ICE2: variants seen among roughly 807,000 people sequenced by gnomAD.
The protein encoded by ICE2 is little elongation complex subunit 2.
Under a neutral mutation model 105.4 loss-of-function variants are expected in ICE2, and 87 were observed. That is an observed-to-expected ratio of 0.83 (90% confidence interval 0.69 to 0.99). The LOEUF is 0.99. Among genes scored for constraint, ICE2 ranks in the 50% least tolerant of loss-of-function variants. The probability of loss-of-function intolerance (pLI) is 0.00; values close to 1 mark genes in which losing one functional copy is unlikely to be tolerated. For synonymous variants in ICE2, 399 were observed against 392.0 expected (o/e 1.02, Z -0.21); for missense variants, 1,323 against 1,146.7 (o/e 1.15, Z -2.22).
chr15:60,431,960 GA>G lies in ICE2; in HGVS notation c.2534del (p.Leu845ProfsTer5). The G allele has an allele frequency of 7.1e-7, 1 of 1,412,000 alleles. No individual in the cohort carries two copies. The highest frequency in any genetic ancestry group is 9.9e-7 in the Non-Finnish European group (1 of 1,012,670). 87.5% of individuals were successfully genotyped at this position (1,412,000 alleles called of 1,614,324 possible). ...ALKISNLFNILQHILKKLSSL... is the reference protein window; with the variant it reads ...ALKISNLFNIXQHILKKLSSL... Reference sequence around the variant, plus strand: ...TACTTAGTTTCTTTAGAATGTGTTGGAGGATGTTAAATAAATTGGAAATCCT... The same window carrying G: ...TACTTAGTTTCTTTAGAATGTGTTGGGGATGTTAAATAAATTGGAAATCCT... On this transcript the variant is annotated frameshift_variant, in exon 14 of 16. Coordinates refer to ENST00000261520, the MANE Select transcript of ICE2 (RefSeq NM_024611.6). LOFTEE classifies it high-confidence loss of function.
At chr15:60,429,947 A>T (rs910350473) in intron 14 of ICE2, among the ~76,000 whole-genome samples, 3 of 152,210 alleles carry the variant, frequency 2.0e-5, no homozygotes, top group African/African-American at 7.2e-5. Flanking sequence ...AGATACTCTA[A>T]GGAGGAGTAT....
intron 12 of ICE2, chr15:60,440,431 T>A (rs1450622060): frequency 2.0e-5 from 3 of 152,286 alleles, no homozygotes; most frequent in Admixed American, 6.5e-5. Flanking sequence ...CAAGTTTTTA[T>A]GGGGAAAAGA....
intron 14 of ICE2, 46 bp downstream of exon 14, chr15:60,431,888 T>G: frequency 9.4e-7 from 1 of 1,062,874 alleles, no homozygotes; most frequent in South Asian, 1.4e-5. Flanking sequence ...AATTTTCATC[T>G]AAGAAAATCA....
intron 12 of ICE2, chr15:60,441,974 G>A (rs2063729331): frequency 6.6e-6 from 1 of 152,388 alleles, no homozygotes; most frequent in Admixed American, 6.5e-5. Context: ...AAACAAATGT[G>A]TATTTTTGAT....
intron 11 of ICE2, among the ~76,000 whole-genome samples, chr15:60,444,882 A>C (rs778858281): frequency 3.2e-4 from 49 of 152,060 alleles, no homozygotes; most frequent in Non-Finnish European, 6.5e-4. Context: ...ATGGGGTTTC[A>C]CCACGTGGGC....
At chr15:60,435,326 G>A (rs989632686) in intron 13 of ICE2, among the ~76,000 whole-genome samples, 2 of 150,864 alleles carry the variant, frequency 1.3e-5, no homozygotes, top group African/African-American at 4.9e-5. Flanking sequence ...AGGGCCAGGC[G>A]CAGTGGCTCA....
At chr15:60,432,113 A>C (rs370631333) in intron 13 of ICE2, 129 bp from the exon 14 acceptor site, 1 of 272,198 alleles carries the variant, frequency 3.7e-6, no homozygotes, top group Non-Finnish European at 6.2e-6. Context: ...ATGTAATACA[A>C]AAAATCTGAA....
rs1305222788 is a variant in ICE2, at chr15:60,453,645, T to G, written c.1083A>C (p.Ala361=). The G allele has an allele frequency of 6.2e-7, 1 of 1,613,674 alleles. No homozygotes were observed. Among genetic ancestry groups the G allele is most frequent in the Non-Finnish European group, 8.5e-7 (1 of 1,179,650 alleles). ...MSKNTSVPVS[A]VFMDKPEEFI... ...ACTCTTCAGGTTTGTCCATAAAGAC[T>G]GCAGAGACTGGAACAGATGTGTTTT... The change falls in exon 9 of 16, where the codon GCA becomes GCC. Residue 361 remains alanine (A), a synonymous_variant. Coordinates refer to ENST00000261520, the MANE Select transcript of ICE2 (RefSeq NM_024611.6).
chr15:60,422,128 C>T lies in ICE2; in HGVS notation c.*1506G>A, dbSNP rs1246825868. On this transcript the variant is annotated 3_prime_UTR_variant, in exon 16 of 16. Coordinates refer to ENST00000261520, the MANE Select transcript of ICE2 (RefSeq NM_024611.6). ...GTAAGGGTTCTAAAGATTAAACAAG[C>T]CTGTCCTGTTTTTTTTTTTCTTTGA... 6.6e-6 allele frequency: 1 copy of T among 151,538 alleles called. No homozygotes were observed. The highest frequency in any genetic ancestry group is 1.5e-5 in the Non-Finnish European group (1 of 67,944). 9.4% of individuals were successfully genotyped at this position (151,538 alleles called of 1,614,324 possible).
At chr15:60,469,053 T>G (rs2064508959) in intron 3 of ICE2, among the ~76,000 whole-genome samples, 1 of 152,192 alleles carries the variant, frequency 6.6e-6, no homozygotes, top group Admixed American at 6.5e-5. Flanking sequence ...GTGAAGGTTG[T>G]TAGAATCACA....
chr15:60,434,520 TACACACACACACACACACACACACAC>T (rs71122858), intron 13 of ICE2, among the ~76,000 whole-genome samples: 14 of 144,930 alleles, frequency 9.7e-5, no homozygotes, highest in East Asian at 5.9e-4. Flanking sequence ...AAAATGTGAT[TACACACACACACACACACACACACAC>T]ACACACACAC....
intron 8 of ICE2, 115 bp downstream of exon 8, chr15:60,454,888 T>G (rs569496712): frequency 6.5e-6 from 6 of 919,516 alleles, no homozygotes; most frequent in Non-Finnish European, 6.3e-6. Flanking sequence ...CCGGTGTGTG[T>G]TGTTTCACTC....
At chr15:60,465,509 G>T (rs1364727888) in intron 5 of ICE2, among the ~76,000 whole-genome samples, 2 of 152,080 alleles carry the variant, frequency 1.3e-5, no homozygotes, top group Admixed American at 1.3e-4. Flanking sequence ...CAGTGAAAGT[G>T]TAACACTCCT....
chr15:60,431,183 C>CT (rs552470506), intron 14 of ICE2, among the ~76,000 whole-genome samples: 93 of 145,470 alleles, frequency 6.4e-4, no homozygotes, highest in Middle Eastern at 3.6e-3. Flanking sequence ...CTATGTTCTT[C>CT]TTTTTTTTTT....
chr15:60,469,833 T>C (rs2064538851), intron 3 of ICE2, among the ~76,000 whole-genome samples: 1 of 152,252 alleles, frequency 6.6e-6, no homozygotes, highest in Non-Finnish European at 1.5e-5. Context: ...AGAAGTCACC[T>C]TATCCAAATT....
At chr15:60,458,262 A>G (rs1299322785) in intron 5 of ICE2, among the ~76,000 whole-genome samples, 1 of 152,220 alleles carries the variant, frequency 6.6e-6, no homozygotes, top group East Asian at 1.9e-4. Context: ...CAGGAAGTTA[A>G]AAGATTCAGG....
chr15:60,464,985 T>C (rs1240767511), intron 5 of ICE2, among the ~76,000 whole-genome samples: 1 of 152,212 alleles, frequency 6.6e-6, no homozygotes, highest in African/African-American at 2.4e-5. Context: ...GCCTGGACTA[T>C]GACTTATGTA....
chr15:60,477,116 A>C (rs2064783423), intron 2 of ICE2, among the ~76,000 whole-genome samples: 1 of 152,204 alleles, frequency 6.6e-6, no homozygotes, highest in African/African-American at 2.4e-5. Context: ...TATCCAAAAA[A>C]CTATATTAAG....
Position 60,468,018 on chromosome 15 carries a change from A to G in ICE2, c.408+43T>C, listed in dbSNP as rs778438293. The G allele has an allele frequency of 1.2e-5, 18 of 1,457,952 alleles. 1 individual carries two copies. In the South Asian group the frequency reaches 2.7e-4, roughly 22 times the overall value. 90.3% of individuals were successfully genotyped at this position (1,457,952 alleles called of 1,614,324 possible). A position where few individuals can be genotyped will look rare whatever the true frequency, so the allele number is the denominator to read the frequency against. On this transcript the variant is annotated intron_variant, in intron 4 of 15. Coordinates refer to ENST00000261520, the MANE Select transcript of ICE2 (RefSeq NM_024611.6). The stretch of plus-strand genomic sequence containing the variant: ...AAATTTAAGATAAAAATATTTCCTA[A>G]TTTTTATTATTTTTTCCTGAAACTG...
Sources: gnomAD v4.1 joint callset for allele counts (sites outside exome capture counted in the v4.1 genomes callset) on GRCh38, gnomAD v4.1.1 for gene constraint, MANE v1.5 for transcripts, NCBI Gene and HGNC (gene_info 2026-07-23, HGNC 2026-07-21) for gene names.